Variants in GLRX5 observed in about 807,000 individuals in gnomAD.
The protein encoded by GLRX5 is glutaredoxin 5.
A neutral mutation model predicts 13.8 loss-of-function variants in GLRX5; 10 were observed. The observed-to-expected ratio is 0.72, with a 90% CI of 0.45 to 1.23. GLRX5 has a LOEUF of 1.23. GLRX5 is among the 50% of genes most tolerant of loss of function. GLRX5 has a pLI of 0.00. For missense variants in GLRX5, 233 were observed against 215.2 expected, an observed-to-expected ratio of 1.08 and a Z score of -0.52; for synonymous variants, 98 against 101.1, an observed-to-expected ratio of 0.97 and a Z score of 0.18.
At chr14:95,543,341 T>TTAA (rs33934790) in intron 1 of GLRX5, 14 of 315,730 alleles carry the variant, frequency 4.4e-5, no homozygotes, top group African/African-American at 2.3e-4. Context: ...TGTTAAAAAT[T>TTAA]AAAAAAAAAA....
chr14:95,535,465 C>G (rs1246145670), intron 1 of GLRX5, 81 bp downstream of exon 1: 1 of 1,364,880 alleles, frequency 7.3e-7, no homozygotes, highest in Admixed American at 2.0e-5. Flanking sequence ...TTCCGCCGCG[C>G]CGGGCTGGGG....
chr14:95,543,726 T>C, intron 1 of GLRX5: 1 of 570,288 alleles, frequency 1.8e-6, no homozygotes, highest in South Asian at 2.1e-5. Flanking sequence ...GTGACTTGTC[T>C]GAGGGCTGAC....
chr14:95,544,136 G>C lies in GLRX5; in HGVS notation c.*11G>C. ...CAAGACTCCAAGTGAGGGCGGCCAA[G>C]TCCTCGCTGAGCAGAGAGGGAGCCG... On this transcript the variant is annotated 3_prime_UTR_variant, in exon 2 of 2. Transcript: ENST00000331334. 1 of 1,611,762 alleles carries C rather than the reference G, an allele frequency of 6.2e-7. No homozygotes were observed. The highest frequency in any genetic ancestry group is 2.2e-5 in the East Asian group (1 of 44,844).
At chr14:95,537,607 C>T (rs1440380618) in intron 1 of GLRX5, among the ~76,000 whole-genome samples, 1 of 152,242 alleles carries the variant, frequency 6.6e-6, no homozygotes, top group Non-Finnish European at 1.5e-5. Flanking sequence ...AACGGGCTGT[C>T]CGATGCTTGC....
intron 1 of GLRX5, chr14:95,543,355 A>AAC (rs1891504135): frequency 8.8e-6 from 3 of 339,660 alleles, no homozygotes; most frequent in South Asian, 4.5e-5. Flanking sequence ...AAAAAAAAAA[A>AAC]CTCAACAACT....
Position 95,535,171 on chromosome 14 carries a change from G to C in GLRX5, c.82G>C (p.Gly28Arg), listed in dbSNP as rs1469287501. The change falls in exon 1 of 2, where the codon GGC becomes CGC. Residue 28 changes from glycine to arginine, a missense_variant. Gly to Arg is a moderately radical substitution (Grantham distance 125). Coordinates refer to ENST00000331334, the MANE Select transcript of GLRX5 (RefSeq NM_016417.3). ...GAGGGGLWGP[G>R]VRAAGSGAGG... Reference sequence around the variant, plus strand: ...GGGCGGCGGTGGCCTTTGGGGTCCGGGCGTGCGGGCGGCGGGCTCGGGCGC... The same window carrying C: ...GGGCGGCGGTGGCCTTTGGGGTCCGCGCGTGCGGGCGGCGGGCTCGGGCGC... 6.8e-7 allele frequency: 1 copy of C among 1,461,282 alleles called. No individual in the cohort carries two copies. Among genetic ancestry groups the C allele is most frequent in the Admixed American group, 2.4e-5 (1 of 42,020 alleles). 90.5% of individuals were successfully genotyped at this position (1,461,282 alleles called of 1,614,324 possible).
chr14:95,542,802 C>T (rs1156287780), intron 1 of GLRX5, among the ~76,000 whole-genome samples: 1 of 152,188 alleles, frequency 6.6e-6, no homozygotes, highest in Non-Finnish European at 1.5e-5. Context: ...TGACCATCTT[C>T]GTTTTTAACA....
In GLRX5 at chr14:95,543,507, C is replaced by T. The variant is rs574517575; in HGVS notation, c.296-440C>T. On this transcript the variant is annotated intron_variant, in intron 1 of 1. Coordinates refer to ENST00000331334, the MANE Select transcript of GLRX5 (RefSeq NM_016417.3). ...GGAAATGAAGTTGGTTGTGACATTTCTTCAAGTTTTGTTTCGCTTGAAGCT... is the reference window on the plus strand; with the variant it reads ...GGAAATGAAGTTGGTTGTGACATTTTTTCAAGTTTTGTTTCGCTTGAAGCT... 6.3e-5 allele frequency: 20 copies of T among 315,808 alleles called. No homozygotes were observed. In the East Asian group the frequency reaches 1.7e-3, roughly 26 times the overall value. 19.6% of individuals were successfully genotyped at this position (315,808 alleles called of 1,614,324 possible).
At chr14:95,538,900 G>A (rs1387403508) in intron 1 of GLRX5, among the ~76,000 whole-genome samples, 8 of 152,216 alleles carry the variant, frequency 5.3e-5, no homozygotes, top group Admixed American at 4.6e-4. Context: ...GAAGACCATA[G>A]TTTATCTGTC....
intron 1 of GLRX5, 102 bp from the exon 2 acceptor site, chr14:95,543,845 G>T: frequency 1.0e-6 from 1 of 984,596 alleles, no homozygotes. Flanking sequence ...GCCAGGGAGG[G>T]ACAGTGGGTT....
At position 95,535,071 on chromosome 14, in the gene GLRX5, C is replaced by A. The variant is rs1329596706; in HGVS notation, c.-19C>A. ...AGCTGTGGGCCCGGGCCGTCGTGGGCTCCGGCTTGCGTGCGGAGATGAGCG... is the reference window on the plus strand; with the variant it reads ...AGCTGTGGGCCCGGGCCGTCGTGGGATCCGGCTTGCGTGCGGAGATGAGCG... On this transcript the variant is annotated 5_prime_UTR_variant, in exon 1 of 2. Transcript: ENST00000331334. 7.5e-7 allele frequency: 1 copy of A among 1,337,766 alleles called. No individual in the cohort carries two copies. Among genetic ancestry groups the A allele is most frequent in the Non-Finnish European group, 9.7e-7 (1 of 1,032,780 alleles). The allele number at this position is 1,337,766 out of a possible 1,614,324, so 82.9% of individuals were successfully genotyped here.
In GLRX5 at chr14:95,535,060, G is replaced by T; in HGVS notation, c.-30G>T. On this transcript the variant is annotated 5_prime_UTR_variant, in exon 1 of 2. Coordinates refer to ENST00000331334, the MANE Select transcript of GLRX5 (RefSeq NM_016417.3). The stretch of plus-strand genomic sequence containing the variant: ...TCTGGGTGGCCAGCTGTGGGCCCGG[G>T]CCGTCGTGGGCTCCGGCTTGCGTGC... The T allele has an allele frequency of 7.5e-7, 1 of 1,327,906 alleles. No individual in the cohort carries two copies. Among genetic ancestry groups the T allele is most frequent in the Non-Finnish European group, 9.7e-7 (1 of 1,027,792 alleles). The allele number at this position is 1,327,906 out of a possible 1,614,324, so 82.3% of individuals were successfully genotyped here.
chr14:95,542,108 TA>T (rs34608337), intron 1 of GLRX5, among the ~76,000 whole-genome samples: 1 of 152,242 alleles, frequency 6.6e-6, no homozygotes, highest in Admixed American at 6.5e-5. Context: ...GGCATCATTG[TA>T]AAAAGTGAGT....
At position 95,539,959 on chromosome 14, in the gene GLRX5, G is replaced by A. The variant is rs555170137; in HGVS notation, c.296-3988G>A. On this transcript the variant is annotated intron_variant, in intron 1 of 1. Transcript: ENST00000331334. The stretch of plus-strand genomic sequence containing the variant: ...AGGCTGAAGTGCAGGGGGCAATCTC[G>A]GCTCACTGCCACCCCTGCCTCCCGG... Among the ~76,000 whole-genome samples the A allele has an allele frequency of 4.6e-5, 7 of 151,596 alleles. No homozygotes were observed. In the South Asian group the frequency reaches 8.3e-4, roughly 18 times the overall value.
In GLRX5 at chr14:95,543,136, G is replaced by T. The variant is rs1469070782; in HGVS notation, c.296-811G>T. ...CTGTGAGCGCTTAAGAGCAGAGCGGGTCTCACTCCCCCACCCCTCAGCCCT... is the reference window on the plus strand; with the variant it reads ...CTGTGAGCGCTTAAGAGCAGAGCGGTTCTCACTCCCCCACCCCTCAGCCCT... On this transcript the variant is annotated intron_variant, in intron 1 of 1. Transcript: ENST00000331334. 5 of 455,832 alleles carry T rather than the reference G, an allele frequency of 1.1e-5. No individual in the cohort carries two copies. The East Asian group carries it at 3.5e-4, about 32-fold the overall frequency. 28.2% of individuals were successfully genotyped at this position (455,832 alleles called of 1,614,324 possible).
chr14:95,539,155 G>C (rs1385312397), intron 1 of GLRX5, among the ~76,000 whole-genome samples: 1 of 152,246 alleles, frequency 6.6e-6, no homozygotes, highest in East Asian at 1.9e-4. Context: ...AATGCCTGAT[G>C]ATGTGAGGTG....
intron 1 of GLRX5, among the ~76,000 whole-genome samples, chr14:95,535,892 C>T (rs1440957502): frequency 6.6e-6 from 1 of 152,088 alleles, no homozygotes; most frequent in Non-Finnish European, 1.5e-5. Context: ...CTAGTGAGGT[C>T]GGAGGCTGAT....
At position 95,535,354 on chromosome 14, in the gene GLRX5, A is replaced by G. The variant is rs757707442; in HGVS notation, c.265A>G (p.Asn89Asp). 8 of 1,552,776 alleles carry G rather than the reference A, an allele frequency of 5.2e-6. No individual in the cohort carries two copies. Among genetic ancestry groups the G allele is most frequent in the Non-Finnish European group, 6.1e-6 (7 of 1,148,482 alleles). The change falls in exon 1 of 2, where the codon AAC becomes GAC. Residue 89 changes from asparagine (N) to aspartate (D), a missense_variant. Transcript: ENST00000331334. Reference sequence around the variant, plus strand: ...CGGCGTCCGCGATTACGCGGCCTACAACGTGCTGGACGACCCGGAGCTCCG... The same window carrying G: ...CGGCGTCCGCGATTACGCGGCCTACGACGTGCTGGACGACCCGGAGCTCCG... ...LHGVRDYAAY[N>D]VLDDPELRQG...
chr14:95,538,065 A>G (rs545897394), intron 1 of GLRX5, among the ~76,000 whole-genome samples: 31 of 151,322 alleles, frequency 2.0e-4, no homozygotes, highest in Non-Finnish European at 3.8e-4. Context: ...TATGGAAACT[A>G]TTGTATTAAC....
Sources: gnomAD v4.1 joint callset for allele counts (sites outside exome capture counted in the v4.1 genomes callset) on GRCh38, gnomAD v4.1.1 for gene constraint, MANE v1.5 for transcripts, NCBI Gene and HGNC (gene_info 2026-07-23, HGNC 2026-07-21) for gene names.